Variants in CDSN observed in about 807,000 individuals in gnomAD.
CDSN encodes corneodesmosin, also known as S protein.
CDSN carries 11 observed loss-of-function variants against 25.6 expected under a neutral mutation model. The observed-to-expected ratio is 0.43, with a 90% CI of 0.27 to 0.71. The LOEUF is 0.71. Ranked by LOEUF, CDSN falls within the 30% of genes least tolerant of loss-of-function variation. The pLI is 0.20. For missense variants in CDSN, 598 were observed against 670.9 expected, an observed-to-expected ratio of 0.89 and a Z score of 1.20; for synonymous variants, 266 against 267.4, an observed-to-expected ratio of 0.99 and a Z score of 0.05.
intron 1 of CDSN, chr6:31,117,860 A>G: frequency 5.5e-6 from 2 of 360,688 alleles, no homozygotes. Context: ...GCACTTTGGG[A>G]GGCCGAGGTG....
intron 1 of CDSN, 31 bp from the exon 2 acceptor site, chr6:31,117,560 CA>C: frequency 1.3e-6 from 2 of 1,542,992 alleles, no homozygotes; most frequent in Non-Finnish European, 1.8e-6. Flanking sequence ...TAGTAAGGGC[CA>C]AGGAGGCTTG....
chr6:31,119,370 A>T (rs1426168090), intron 1 of CDSN, among the ~76,000 whole-genome samples: 1 of 152,024 alleles, frequency 6.6e-6, no homozygotes, highest in Non-Finnish European at 1.5e-5. Flanking sequence ...ATTCCCTCAG[A>T]CACCAACCAC....
At chr6:31,118,931 C>T (rs1772316611) in intron 1 of CDSN, 1 of 149,262 alleles carries the variant, frequency 6.7e-6, no homozygotes, top group African/African-American at 2.5e-5. Flanking sequence ...TAACCTCTGC[C>T]TCCTTGGTGC....
intron 1 of CDSN, among the ~76,000 whole-genome samples, chr6:31,119,886 A>G (rs1336655491): frequency 6.7e-6 from 1 of 148,580 alleles, no homozygotes; most frequent in Non-Finnish European, 1.5e-5. Context: ...AGCCTTGGAG[A>G]CAGAGTGGGA....
At chr6:31,119,960 A>C (rs1183725915) in intron 1 of CDSN, among the ~76,000 whole-genome samples, 1 of 152,186 alleles carries the variant, frequency 6.6e-6, no homozygotes, top group Non-Finnish European at 1.5e-5. Flanking sequence ...TGCTTAAAAC[A>C]GAGTCTAGCA....
intron 1 of CDSN, chr6:31,117,909 G>T: frequency 3.7e-6 from 1 of 272,682 alleles, no homozygotes; most frequent in South Asian, 4.8e-5. Context: ...GACCAGCCTG[G>T]GCAACATAGA....
chr6:31,117,513 G>T lies in CDSN; in HGVS notation c.102C>A (p.Ser34Arg), dbSNP rs766625426. Residue 34 changes from serine to arginine, a missense_variant, in exon 2 of 2, where the codon AGC (serine) becomes AGA (arginine). Ser to Arg is a moderately radical substitution (Grantham distance 110, BLOSUM62 -1). Coordinates refer to ENST00000376288, the MANE Select transcript of CDSN (RefSeq NM_001264.5). ...GLLLPGTLAKSIGTFSDPCKD... is the reference protein window; with the variant it reads ...GLLLPGTLAKRIGTFSDPCKD... ...TACAAGGGTCTGAGAAGGTGCCAAT[G>T]CTCTTAGCCAAGGTCCCTGTGGAGG... The T allele has an allele frequency of 1.9e-6, 3 of 1,550,648 alleles. No homozygotes were observed. The highest frequency in any genetic ancestry group is 2.0e-5 in the Admixed American group (1 of 51,054).
Position 31,116,821 on chromosome 6 carries a change from G to C in CDSN, c.794C>G (p.Pro265Arg), listed in dbSNP as rs1772157795. Reference sequence around the variant, plus strand: ...ACAGGGGGGACCTTGAACCACTCCAGGGGCACCAGAACCGTGCTGGTCCAC... The same window carrying C: ...ACAGGGGGGACCTTGAACCACTCCACGGGCACCAGAACCGTGCTGGTCCAC... Reference protein sequence around the residue: ...VVVDQHGSGAPGVVQGPPCSN... With the variant: ...VVVDQHGSGARGVVQGPPCSN... Residue 265 changes from proline (P) to arginine (R), a missense_variant, in exon 2 of 2, where the codon CCT (proline) becomes CGT (arginine). Pro to Arg is a moderately radical substitution (Grantham distance 103, BLOSUM62 -2). Coordinates refer to ENST00000376288, the MANE Select transcript of CDSN (RefSeq NM_001264.5). 1 of 1,614,022 alleles carries C rather than the reference G, an allele frequency of 6.2e-7. No individual in the cohort carries two copies. Among genetic ancestry groups the C allele is most frequent in the Non-Finnish European group, 8.5e-7 (1 of 1,179,976 alleles).
At chr6:31,117,682 G>T (rs1334503243) in intron 1 of CDSN, 153 bp from the exon 2 acceptor site, 10 of 682,756 alleles carry the variant, frequency 1.5e-5, no homozygotes, top group Admixed American at 4.7e-5. Flanking sequence ...ACTGGCTATT[G>T]TCTCTAAAGG....
rs745483723 is a variant in CDSN at position 31,116,440 on chromosome 6, G to A, written c.1175C>T (p.Ser392Phe). The change falls in exon 2 of 2, where the codon TCT becomes TTT. Residue 392 changes from serine (S) to phenylalanine (F), a missense_variant. Coordinates refer to ENST00000376288, the MANE Select transcript of CDSN (RefSeq NM_001264.5). ...GGSTGSKGPC[S>F]PSSSRVPSSS... ...GCTGGGGACTCGAGAACTGGAGGGAGAGCAGGGTCCCTTGGAGCCCGTGGA... is the reference window on the plus strand; with the variant it reads ...GCTGGGGACTCGAGAACTGGAGGGAAAGCAGGGTCCCTTGGAGCCCGTGGA... The A allele has an allele frequency of 1.9e-6, 3 of 1,590,458 alleles. No individual in the cohort carries two copies. Among genetic ancestry groups the A allele is most frequent in the Non-Finnish European group, 2.6e-6 (3 of 1,168,158 alleles).
In CDSN at chr6:31,116,452, TTGGAGCCCG is replaced by T. The variant is rs1562751149; in HGVS notation, c.1154_1162del (p.Thr385_Ser387del). On this transcript the variant is annotated inframe_deletion, in exon 2 of 2. Coordinates refer to ENST00000376288, the MANE Select transcript of CDSN (RefSeq NM_001264.5). ...AGAACTGGAGGGAGAGCAGGGTCCC[TTGGAGCCCG>T]TGGAGCCGCCTCCACAGAGCTGGAC... 2 of 1,592,284 alleles carry T rather than the reference TTGGAGCCCG, an allele frequency of 1.3e-6. No homozygotes were observed. The highest frequency in any genetic ancestry group is 2.3e-5 in the South Asian group (2 of 88,824).
At chr6:31,120,202 C>T (rs560588970) in intron 1 of CDSN, 133 bp downstream of exon 1, 80 of 692,804 alleles carry the variant, frequency 1.2e-4, no homozygotes, top group Middle Eastern at 8.1e-4. Context: ...TTACCTGAGG[C>T]GACCATACAG....
intron 1 of CDSN, 61 bp downstream of exon 1, chr6:31,120,274 G>A (rs1263505429): frequency 2.6e-5 from 34 of 1,310,726 alleles, no homozygotes; most frequent in Non-Finnish European, 3.6e-5. Context: ...CCCTTCGCTG[G>A]GTCCTCTCCC....
chr6:31,120,353 C>T lies in CDSN; in HGVS notation c.67G>A (p.Ala23Thr). The T allele has an allele frequency of 6.3e-7, 1 of 1,589,968 alleles. No individual in the cohort carries two copies. Among genetic ancestry groups the T allele is most frequent in the Non-Finnish European group, 8.6e-7 (1 of 1,169,084 alleles). Reference sequence around the variant, plus strand: ...CTCCTACCTGGCAGGAGGAGACCAGCCAGCAGCAGTGCCATCATCCCGTGC... The same window carrying T: ...CTCCTACCTGGCAGGAGGAGACCAGTCAGCAGCAGTGCCATCATCCCGTGC... ...GGHGMMALLL[A>T]GLLLPGTLAK... The change falls in exon 1 of 2, where the codon GCT (alanine) becomes ACT (threonine). Residue 23 changes from alanine (A) to threonine (T), a missense_variant. Coordinates refer to ENST00000376288, the MANE Select transcript of CDSN (RefSeq NM_001264.5).
rs1333090293 is a variant in CDSN, at chr6:31,116,869, C to CCCCCTGA, written c.739_745dup (p.Gly249ValfsTer28). 1 of 1,614,030 alleles carries CCCCCTGA rather than the reference C, an allele frequency of 6.2e-7. No homozygotes were observed. Among genetic ancestry groups the CCCCCTGA allele is most frequent in the South Asian group, 1.1e-5 (1 of 91,080 alleles). ...CACCACCACCACCACAGGCCTCTGACCCCCTGACACAGAGTGGGAGCTGGG... is the reference window on the plus strand; with the variant it reads ...CACCACCACCACCACAGGCCTCTGACCCCCTGACCCCTGACACAGAGTGGGAGCTGGG... On this transcript the variant is annotated frameshift_variant, in exon 2 of 2. Coordinates refer to ENST00000376288, the MANE Select transcript of CDSN (RefSeq NM_001264.5). LOFTEE classifies it high-confidence loss of function.
rs752026354 is a variant in CDSN at position 31,116,311 on chromosome 6, G to A, written c.1304C>T (p.Ser435Phe). The change falls in exon 2 of 2, where the codon TCC becomes TTC. Residue 435 changes from serine to phenylalanine, a missense_variant. Transcript: ENST00000376288. ...GATTTTGCCACTGGATTGGGAACTG[G>A]AGCTGCTGCTGAAGGAGCCGGTGCC... ...PPGTGSFSSSSSSQSSGKIIL... is the reference protein window; with the variant it reads ...PPGTGSFSSSFSSQSSGKIIL... 3.7e-6 allele frequency: 6 copies of A among 1,613,864 alleles called. No homozygotes were observed. The highest frequency in any genetic ancestry group is 5.1e-6 in the Non-Finnish European group (6 of 1,179,882).
At position 31,116,013 on chromosome 6, in the gene CDSN, A is replaced by T; in HGVS notation, c.*12T>A. 6.4e-7 allele frequency: 1 copy of T among 1,555,156 alleles called. No homozygotes were observed. Among genetic ancestry groups the T allele is most frequent in the African/African-American group, 1.8e-5 (1 of 55,250 alleles). On this transcript the variant is annotated 3_prime_UTR_variant, in exon 2 of 2. Transcript: ENST00000376288. ...TGTGCCCAAGGCATGCACACACACA[A>T]CAGTTGACTTCTTATGGACTGTTGA...
Position 31,115,864 on chromosome 6 carries a change from A to G in CDSN, c.*161T>C. On this transcript the variant is annotated 3_prime_UTR_variant, in exon 2 of 2. Transcript: ENST00000376288. The surrounding 1 kb of genome is among the most constrained non-coding windows in gnomAD (Gnocchi z 4.2). Reference sequence around the variant, plus strand: ...AGGAAGGAGGAAGGGGTGATAAGAGAGAGTCTGCAACCTTGGGGTAGTGGA... The same window carrying G: ...AGGAAGGAGGAAGGGGTGATAAGAGGGAGTCTGCAACCTTGGGGTAGTGGA... 1 of 631,006 alleles carries G rather than the reference A, an allele frequency of 1.6e-6. No homozygotes were observed. The highest frequency in any genetic ancestry group is 2.8e-6 in the Non-Finnish European group (1 of 351,084). 39.1% of individuals were successfully genotyped at this position (631,006 alleles called of 1,614,324 possible).
chr6:31,116,706 A>C lies in CDSN; in HGVS notation c.909T>G (p.Ser303=). 6.2e-7 allele frequency: 1 copy of C among 1,612,798 alleles called. No homozygotes were observed. Among genetic ancestry groups the C allele is most frequent in the Non-Finnish European group, 8.5e-7 (1 of 1,180,010 alleles). ...TCATGCCTGGAACCAGATAACTGTC[A>C]GAGGAGCCACCCACCACCTCGTAGC... ...YGGYEVVGGS[S]DSYLVPGMTY... The change falls in exon 2 of 2, where the codon TCT becomes TCG. Residue 303 remains serine (S), a synonymous_variant. Coordinates refer to ENST00000376288, the MANE Select transcript of CDSN (RefSeq NM_001264.5).
Sources: allele counts gnomAD v4.1 joint callset (sites outside exome capture counted in the v4.1 genomes callset), GRCh38; gene constraint gnomAD v4.1.1; non-coding constraint Gnocchi (gnomAD v3.1); transcripts MANE v1.5; gene names NCBI Gene and HGNC (gene_info 2026-07-23, HGNC 2026-07-21).